Variants in WWOX observed in about 807,000 individuals in gnomAD.
The protein encoded by WWOX is WW domain containing oxidoreductase, also known as WW domain-containing oxidoreductase.
In WWOX, 69 loss-of-function variants were observed where a neutral mutation model predicts 46.2. The observed-to-expected ratio is 1.49, with a 90% confidence interval of 1.23 to 1.82. The LOEUF (loss-of-function observed/expected upper bound fraction) is 1.82. WWOX is among the 40% of genes most tolerant of loss of function. The pLI is 0.00. For missense variants in WWOX, 919 were observed against 542.6 expected (o/e 1.69, Z -6.89); for synonymous variants, 359 against 202.6 (o/e 1.77, Z -6.56).
intron 8 of WWOX, among the ~76,000 whole-genome samples, chr16:78,743,088 A>AGG (rs1323717159): frequency 1.3e-5 from 2 of 152,036 alleles, no homozygotes; most frequent in African/African-American, 4.8e-5. Flanking sequence ...CAGCCCCCGA[A>AGG]GGAAACATCC....
At chr16:78,455,155 A>G (rs1311796264) in intron 8 of WWOX, among the ~76,000 whole-genome samples, 3 of 152,182 alleles carry the variant, frequency 2.0e-5, no homozygotes, top group Non-Finnish European at 4.4e-5. Context: ...GGAGTCAGAT[A>G]AAGTTGCAGA....
intron 8 of WWOX, among the ~76,000 whole-genome samples, chr16:78,722,698 GTTTT>G (rs56266240): frequency 3.3e-4 from 38 of 116,300 alleles, no homozygotes; most frequent in African/African-American, 1.1e-3. Context: ...GTTTGTCTCT[GTTTT>G]TTTTTTTTTT....
At chr16:78,714,550 G>C (rs1230702146) in intron 8 of WWOX, among the ~76,000 whole-genome samples, 20 of 151,928 alleles carry the variant, frequency 1.3e-4, no homozygotes, top group Non-Finnish European at 1.5e-5. Flanking sequence ...ATCATGTCTT[G>C]GCAGCCATCT....
intron 8 of WWOX, among the ~76,000 whole-genome samples, chr16:78,822,232 C>T (rs976836632): frequency 1.3e-5 from 2 of 151,926 alleles, no homozygotes; most frequent in Non-Finnish European, 2.9e-5. Flanking sequence ...GGTGGCTTAC[C>T]CCTGTAATCA....
intron 8 of WWOX, chr16:79,203,837 C>G (rs2051421976): frequency 6.6e-6 from 1 of 151,254 alleles, no homozygotes; most frequent in Admixed American, 6.6e-5. Context: ...ATGGCGAATA[C>G]AGATGCATAC....
At chr16:78,842,691 C>G (rs973263712) in intron 8 of WWOX, among the ~76,000 whole-genome samples, 3 of 151,930 alleles carry the variant, frequency 2.0e-5, no homozygotes, top group African/African-American at 7.3e-5. Flanking sequence ...TAGTGTGACC[C>G]CATTTCTACA....
At chr16:79,039,149 G>A (rs986033182) in intron 8 of WWOX, among the ~76,000 whole-genome samples, 2 of 152,078 alleles carry the variant, frequency 1.3e-5, no homozygotes, top group South Asian at 4.1e-4. Context: ...TGTAGCTGGG[G>A]AATTCTTTTT....
At chr16:78,952,619 A>G (rs917422950) in intron 8 of WWOX, among the ~76,000 whole-genome samples, 1 of 152,008 alleles carries the variant, frequency 6.6e-6, no homozygotes, top group African/African-American at 2.4e-5. Context: ...CTTGGCCTCA[A>G]GTGATCTGTC....
chr16:78,943,238 T>TA (rs1322601218), intron 8 of WWOX, among the ~76,000 whole-genome samples: 2 of 151,382 alleles, frequency 1.3e-5, no homozygotes, highest in Non-Finnish European at 2.9e-5. Context: ...TGTTTAATCT[T>TA]AAAAAAGATC....
chr16:78,845,974 C>G (rs918450761), intron 8 of WWOX, among the ~76,000 whole-genome samples: 1 of 152,096 alleles, frequency 6.6e-6, no homozygotes, highest in Non-Finnish European at 1.5e-5. Context: ...AAGGGGTGGC[C>G]TAATCCAGTC....
At chr16:78,637,511 C>A (rs1239647605) in intron 8 of WWOX, among the ~76,000 whole-genome samples, 1 of 152,116 alleles carries the variant, frequency 6.6e-6, no homozygotes, top group Non-Finnish European at 1.5e-5. Flanking sequence ...AGCCAATGGT[C>A]CACAGTGATG....
At chr16:79,066,429 C>T (rs141113535) in intron 8 of WWOX, among the ~76,000 whole-genome samples, 2 of 151,650 alleles carry the variant, frequency 1.3e-5, no homozygotes, top group African/African-American at 2.4e-5. Context: ...TTATCAAGTG[C>T]GCAATTAGGC....
At chr16:78,805,888 T>G (rs546073643) in intron 8 of WWOX, among the ~76,000 whole-genome samples, 1 of 152,206 alleles carries the variant, frequency 6.6e-6, no homozygotes, top group Non-Finnish European at 1.5e-5. Flanking sequence ...TTGTTGGGTC[T>G]TCTTTCTAGC....
chr16:78,616,000 T>G (rs2151636686), intron 8 of WWOX, among the ~76,000 whole-genome samples: 1 of 152,266 alleles, frequency 6.6e-6, no homozygotes, highest in Non-Finnish European at 1.5e-5. Flanking sequence ...TCTGCCTGCC[T>G]TGGCCTCCCA....
intron 5 of WWOX, among the ~76,000 whole-genome samples, chr16:78,375,497 T>C (rs890723342): frequency 6.6e-6 from 1 of 152,238 alleles, no homozygotes; most frequent in Non-Finnish European, 1.5e-5. Context: ...CTATTGACTG[T>C]GCATCAGGTA....
chr16:78,666,536 C>G (rs969956565), intron 8 of WWOX, among the ~76,000 whole-genome samples: 2 of 152,186 alleles, frequency 1.3e-5, no homozygotes, highest in Non-Finnish European at 2.9e-5. Flanking sequence ...ATTTTATTTA[C>G]TCTCTAGAAC....
intron 8 of WWOX, among the ~76,000 whole-genome samples, chr16:79,063,352 C>G (rs1379461282): frequency 6.6e-6 from 1 of 152,172 alleles, no homozygotes; most frequent in Non-Finnish European, 1.5e-5. Flanking sequence ...TCCTGGCGTG[C>G]GTATCTTGGC....
intron 8 of WWOX, among the ~76,000 whole-genome samples, chr16:78,995,035 G>C (rs370566076): frequency 1.5e-5 from 2 of 132,068 alleles, no homozygotes; most frequent in South Asian, 4.8e-4. Context: ...ACAATGCGCT[G>C]AGAAAGGATT....
At chr16:78,382,776 A>G (rs763162897) in intron 5 of WWOX, among the ~76,000 whole-genome samples, 1 of 152,192 alleles carries the variant, frequency 6.6e-6, no homozygotes. Flanking sequence ...ATACATACAC[A>G]TGATAAAATG....
Sources: allele counts gnomAD v4.1 joint callset (sites outside exome capture counted in the v4.1 genomes callset), GRCh38; gene constraint gnomAD v4.1.1; transcripts MANE v1.5; gene names NCBI Gene and HGNC (gene_info 2026-07-23, HGNC 2026-07-21).